COL1A2: variants seen among roughly 807,000 people sequenced by gnomAD.
The protein encoded by COL1A2 is collagen alpha-2(I) chain.
Under a neutral mutation model 174.3 loss-of-function variants are expected in COL1A2, and 49 were observed. The ratio of observed to expected loss-of-function variants is 0.28; its 90% CI spans 0.22 to 0.36. COL1A2 has a LOEUF of 0.36. COL1A2 is among the 10% of genes least tolerant of loss of function. The pLI is 1.00. For missense variants in COL1A2, 1,438 were observed against 1,822.7 expected, an observed-to-expected ratio of 0.79 and a Z score of 3.84; for synonymous variants, 655 against 606.6, an observed-to-expected ratio of 1.08 and a Z score of -1.17.
rs368245001 is a variant in COL1A2 at position 94,416,319 on chromosome 7, G to T, written c.1765-86G>T. 1.5e-5 allele frequency: 18 copies of T among 1,191,960 alleles called. No individual in the cohort carries two copies. In the East Asian group the frequency reaches 3.1e-4, roughly 20 times the overall value. 73.8% of individuals were successfully genotyped at this position (1,191,960 alleles called of 1,614,324 possible). A position where few individuals can be genotyped will look rare whatever the true frequency, so the allele number is the denominator to read the frequency against. On this transcript the variant is annotated intron_variant, in intron 30 of 51. Transcript: ENST00000297268. ...AATAAATGCAAACCAGGGCTCGGAA[G>T]CTACACAAATGTAAACTCTCATATG...
rs1228519738 is a variant in COL1A2 at position 94,420,393 on chromosome 7, T to C, written c.2136T>C (p.Gly712=). 1.2e-6 allele frequency: 2 copies of C among 1,614,034 alleles called. No homozygotes were observed. The highest frequency in any genetic ancestry group is 1.7e-6 in the Non-Finnish European group (2 of 1,180,028). ...AGPAGPRGSP[G]ERGEVGPAGP... is the part of the protein sequence containing the mutation. ...TTTAAATCCCTTCTCCCACCTAGGG[T>C]GAACGTGGTGAGGTCGGTCCTGCTG... is the stretch of plus-strand genomic sequence containing the variant. Residue 712 remains glycine, a splice_region_variant and synonymous_variant, in exon 36 of 52, where the codon GGT becomes GGC. Transcript: ENST00000297268.
intron 33 of COL1A2, 49 bp downstream of exon 33, chr7:94,418,601 T>A (rs767740643): frequency 3.6e-6 from 5 of 1,387,760 alleles, no homozygotes; most frequent in Non-Finnish European, 5.1e-6. Context: ...ATTTTTTTTT[T>A]ATGTTTGAAT....
At chr7:94,415,097 T>C in intron 29 of COL1A2, 129 bp from the exon 30 acceptor site, 1 of 805,722 alleles carries the variant, frequency 1.2e-6, no homozygotes, top group South Asian at 1.4e-5. Context: ...TATTAGCCTG[T>C]GTACTTATGC....
At chr7:94,405,829 C>A in intron 11 of COL1A2, 103 bp downstream of exon 11, 1 of 984,866 alleles carries the variant, frequency 1.0e-6, no homozygotes, top group Non-Finnish European at 1.6e-6. Context: ...CTTTCAAATC[C>A]CTGGAGTTTG....
chr7:94,409,243 A>G, intron 16 of COL1A2, 79 bp from the exon 17 acceptor site: 1 of 1,250,482 alleles, frequency 8.0e-7, no homozygotes, highest in Non-Finnish European at 1.2e-6. Context: ...AAGACATTTC[A>G]TAAAACTTGG....
At chr7:94,422,842 G>T in intron 39 of COL1A2, 115 bp from the exon 40 acceptor site, 1 of 1,239,594 alleles carries the variant, frequency 8.1e-7, no homozygotes, top group African/African-American at 1.5e-5. Flanking sequence ...AAATGGCCAG[G>T]GTATTATTTT....
At position 94,429,470 on chromosome 7, in the gene COL1A2, G is replaced by T. The variant is rs1231896473; in HGVS notation, c.3954+40G>T. ...AATATGGGAATAGCTTTGGGAAGTG[G>T]GATGGAGGGGGTTCTAACTTAGACT... On this transcript the variant is annotated intron_variant, in intron 51 of 51. Coordinates refer to ENST00000297268, the MANE Select transcript of COL1A2 (RefSeq NM_000089.4). The T allele has an allele frequency of 1.9e-6, 3 of 1,610,636 alleles. No homozygotes were observed. In the South Asian group the frequency reaches 3.3e-5, roughly 18 times the overall value.
At chr7:94,409,881 T>A in intron 19 of COL1A2, 60 bp downstream of exon 19, 2 of 1,481,146 alleles carry the variant, frequency 1.4e-6, no homozygotes, top group Non-Finnish European at 1.9e-6. Flanking sequence ...CATCATTTCA[T>A]CACTATCTAG....
At position 94,394,957 on chromosome 7, in the gene COL1A2, GC is replaced by G. The variant is rs1791552061; in HGVS notation, c.-72del. ...GTACTGGCCACGACTGCATGCCCGCGCCCGCCAGGTGATACCTCCGCCGGTG... is the reference window on the plus strand; with the variant it reads ...GTACTGGCCACGACTGCATGCCCGCGCCGCCAGGTGATACCTCCGCCGGTG... On this transcript the variant is annotated 5_prime_UTR_variant, in exon 1 of 52. An upstream open reading frame in the 5' UTR loses its in-frame stop. Transcript: ENST00000297268. 2 of 1,327,764 alleles carry G rather than the reference GC, an allele frequency of 1.5e-6. No individual in the cohort carries two copies. The highest frequency in any genetic ancestry group is 1.4e-5 in the African/African-American group (1 of 69,162). 82.2% of individuals were successfully genotyped at this position (1,327,764 alleles called of 1,614,324 possible). A position where few individuals can be genotyped will look rare whatever the true frequency, so the allele number is the denominator to read the frequency against.
chr7:94,421,844 C>A, intron 38 of COL1A2, 55 bp from the exon 39 acceptor site: 2 of 1,552,640 alleles, frequency 1.3e-6, no homozygotes, highest in Non-Finnish European at 1.8e-6. Context: ...TCCCATCTTA[C>A]CCAAATTCTT....
chr7:94,420,554 A>T lies in COL1A2; in HGVS notation c.2201A>T (p.Gln734Leu), dbSNP rs1470563642. ...GFAGPAGAAG[Q>L]PGAKGERGAK... is the part of the protein sequence containing the mutation. Reference sequence around the variant, plus strand: ...TATTTCCAACAGGGTGCTGCTGGTCAACCTGGTGCTAAAGGAGAAAGAGGA... The same window carrying T: ...TATTTCCAACAGGGTGCTGCTGGTCTACCTGGTGCTAAAGGAGAAAGAGGA... The change falls in exon 37 of 52, where the codon CAA (glutamine) becomes CTA (leucine). Residue 734 changes from glutamine (Q) to leucine (L), a missense_variant. Gln to Leu is a moderately radical substitution (Grantham distance 113). Transcript: ENST00000297268. The T allele has an allele frequency of 6.2e-7, 1 of 1,613,912 alleles. No individual in the cohort carries two copies. The highest frequency in any genetic ancestry group is 8.5e-7 in the Non-Finnish European group (1 of 1,179,988).
At chr7:94,415,842 T>C (rs13239495) in intron 30 of COL1A2, among the ~76,000 whole-genome samples, 25,809 of 152,160 alleles carry the variant, frequency 0.17, 2,370 homozygotes, top group Admixed American at 0.28. Context: ...TTTTGGGCTA[T>C]AGAATGCTAT....
At chr7:94,422,189 C>CT in intron 39 of COL1A2, 4 of 281,788 alleles carry the variant, frequency 1.4e-5, no homozygotes, top group Non-Finnish European at 1.2e-5. Flanking sequence ...GGGGCATGGT[C>CT]TTTTTGAAAA....
At chr7:94,420,955 A>C in intron 37 of COL1A2, 54 bp from the exon 38 acceptor site, 1 of 1,509,362 alleles carries the variant, frequency 6.6e-7, no homozygotes, top group South Asian at 1.1e-5. Context: ...AGAAAAGAGT[A>C]GCATTTACAA....
Position 94,423,054 on chromosome 7 carries a change from T to C in COL1A2, c.2501T>C (p.Val834Ala). Residue 834 changes from valine to alanine, a missense_variant, in exon 40 of 52, where the codon GTA (valine) becomes GCA (alanine). Transcript: ENST00000297268. The part of the protein sequence containing the change: ...DQGPVGRTGE[V>A]GAVGPPGFAG... ...GGTCCAGTTGGCCGAACTGGAGAAG[T>C]AGGTGCAGTTGGTCCCCCTGGCTTC... 1 of 1,614,104 alleles carries C rather than the reference T, an allele frequency of 6.2e-7. No homozygotes were observed. Among genetic ancestry groups the C allele is most frequent in the Middle Eastern group, 1.7e-4 (1 of 6,060 alleles).
intron 40 of COL1A2, chr7:94,423,963 G>A (rs1328098310): frequency 4.1e-6 from 1 of 246,138 alleles, no homozygotes; most frequent in Admixed American, 5.1e-5. Context: ...TCTATTTTTA[G>A]TTTTTTGAGG....
At chr7:94,404,447 A>G (rs1264167011) in intron 6 of COL1A2, 109 bp from the exon 7 acceptor site, 2 of 1,147,566 alleles carry the variant, frequency 1.7e-6, no homozygotes, top group South Asian at 1.3e-5. Context: ...AATAAAAACT[A>G]TGGAATCAAA....
intron 50 of COL1A2, among the ~76,000 whole-genome samples, 154 bp downstream of exon 50, chr7:94,428,631 T>C (rs562874578): frequency 6.6e-6 from 1 of 152,374 alleles, no homozygotes; most frequent in South Asian, 2.1e-4. Flanking sequence ...AATTGCACAT[T>C]AGAAGATGGA....
chr7:94,418,234 C>T (rs1792082007), intron 32 of COL1A2, among the ~76,000 whole-genome samples: 1 of 152,146 alleles, frequency 6.6e-6, no homozygotes, highest in Admixed American at 6.5e-5. Context: ...GAATCTGTAC[C>T]TTGCTTGATT....
Sources: gnomAD v4.1 joint callset for allele counts (sites outside exome capture counted in the v4.1 genomes callset) on GRCh38, gnomAD v4.1.1 for gene constraint, MANE v1.5 for transcripts, NCBI Gene and HGNC (gene_info 2026-07-23, HGNC 2026-07-21) for gene names.